ABCC4: variants seen among roughly 807,000 people sequenced by gnomAD.
ABCC4 encodes ATP-binding cassette sub-family C member 4.
ABCC4 carries 102 observed loss-of-function variants against 168.5 expected under a neutral mutation model. That is an observed-to-expected ratio of 0.61 (90% confidence interval 0.52 to 0.71). The LOEUF is 0.71. Ranked by LOEUF, ABCC4 falls within the 30% of genes least tolerant of loss-of-function variation. The probability of loss-of-function intolerance (pLI) is 0.00; values close to 1 mark genes in which losing one functional copy is unlikely to be tolerated. For missense variants in ABCC4, 1,402 were observed against 1,605.8 expected, an observed-to-expected ratio of 0.87 and a Z score of 2.17; for synonymous variants, 617 against 590.7, an observed-to-expected ratio of 1.04 and a Z score of -0.65.
intron 20 of ABCC4, among the ~76,000 whole-genome samples, chr13:95,090,348 C>G (rs2034390873): frequency 6.6e-6 from 1 of 152,176 alleles, no homozygotes; most frequent in South Asian, 2.1e-4. Flanking sequence ...AAGCTAAGAA[C>G]CGTCACAGGG....
intron 4 of ABCC4, among the ~76,000 whole-genome samples, chr13:95,221,279 C>T (rs1049915747): frequency 1.3e-5 from 2 of 152,094 alleles, no homozygotes; most frequent in African/African-American, 2.4e-5. Context: ...CCCAGGATGG[C>T]GTACAGTGGC....
chr13:95,291,631 A>G (rs4771912), intron 1 of ABCC4, among the ~76,000 whole-genome samples: 22,332 of 152,194 alleles, frequency 0.15, 1,767 homozygotes, highest in East Asian at 0.21. Context: ...TTGCATAGGG[A>G]TAGAAGAGCA....
intron 3 of ABCC4, 47 bp from the exon 4 acceptor site, chr13:95,234,881 C>G (rs770241044): frequency 7.7e-7 from 1 of 1,298,500 alleles, no homozygotes; most frequent in Non-Finnish European, 1.1e-6. Context: ...ACAGACCACA[C>G]CATTTTTTCT....
intron 19 of ABCC4, among the ~76,000 whole-genome samples, chr13:95,160,491 A>C (rs7993619): frequency 0.26 from 38,997 of 152,086 alleles, 6,423 homozygotes; most frequent in African/African-American, 0.48. Flanking sequence ...CACTTGGAAA[A>C]TACTGGGTAT....
intron 11 of ABCC4, among the ~76,000 whole-genome samples, chr13:95,183,328 G>C (rs750364878): frequency 3.3e-5 from 5 of 152,038 alleles, no homozygotes; most frequent in Non-Finnish European, 7.4e-5. Flanking sequence ...CTGTCCAGCA[G>C]GTTTTGATTA....
chr13:95,022,543 TC>T (rs2031152328), intron 30 of ABCC4, among the ~76,000 whole-genome samples: 1 of 152,186 alleles, frequency 6.6e-6, no homozygotes, highest in Non-Finnish European at 1.5e-5. Context: ...ACTTGTGAGC[TC>T]TTATCTCAAA....
At chr13:95,272,239 T>G (rs539905543) in intron 1 of ABCC4, among the ~76,000 whole-genome samples, 3 of 152,018 alleles carry the variant, frequency 2.0e-5, no homozygotes, top group African/African-American at 7.2e-5. Context: ...AGAGATAGCG[T>G]TTCACCACGT....
At chr13:95,058,510 A>G (rs540875492) in intron 26 of ABCC4, among the ~76,000 whole-genome samples, 5 of 133,150 alleles carry the variant, frequency 3.8e-5, no homozygotes, top group African/African-American at 1.4e-4. Context: ...CAGATATTGC[A>G]GTGAGCTGAG....
intron 19 of ABCC4, among the ~76,000 whole-genome samples, chr13:95,154,086 T>A (rs1488104165): frequency 6.6e-6 from 1 of 152,208 alleles, no homozygotes; most frequent in African/African-American, 2.4e-5. Flanking sequence ...AAAAACAATA[T>A]TTATGTGGCT....
At chr13:95,299,315 C>A (rs979201932) in intron 1 of ABCC4, among the ~76,000 whole-genome samples, 3 of 151,420 alleles carry the variant, frequency 2.0e-5, no homozygotes, top group Admixed American at 6.6e-5. Context: ...TTGAGGAGAC[C>A]ATTTGTCTAC....
intron 3 of ABCC4, among the ~76,000 whole-genome samples, chr13:95,243,940 G>C (rs2040014437): frequency 6.6e-6 from 1 of 151,604 alleles, no homozygotes; most frequent in Admixed American, 6.6e-5. Flanking sequence ...ATGTACCTTG[G>C]TGCTCTGACC....
intron 7 of ABCC4, 75 bp from the exon 8 acceptor site, chr13:95,206,856 A>C (rs1019652506): frequency 6.6e-7 from 1 of 1,511,156 alleles, no homozygotes; most frequent in South Asian, 1.2e-5. Context: ...CAATCTCAGC[A>C]CTTTGGGAGC....
intron 20 of ABCC4, among the ~76,000 whole-genome samples, chr13:95,110,969 G>GA (rs758996653): frequency 2.0e-3 from 78 of 38,298 alleles, no homozygotes; most frequent in South Asian, 7.3e-3. Context: ...CCCTGTTTCA[G>GA]AAAAAAAAAA....
At chr13:95,179,989 C>G (rs1394233304) in intron 11 of ABCC4, among the ~76,000 whole-genome samples, 1 of 152,126 alleles carries the variant, frequency 6.6e-6, no homozygotes, top group Non-Finnish European at 1.5e-5. Flanking sequence ...ATGACTATGA[C>G]ATATTTTCTG....
At chr13:95,242,058 T>G (rs572427686) in intron 3 of ABCC4, among the ~76,000 whole-genome samples, 16 of 152,152 alleles carry the variant, frequency 1.1e-4, no homozygotes, top group African/African-American at 3.4e-4. Context: ...CCGGCATAAG[T>G]GGGTTAAAAA....
chr13:95,068,054 TATA>T (rs2033606800), intron 25 of ABCC4, among the ~76,000 whole-genome samples: 1 of 152,194 alleles, frequency 6.6e-6, no homozygotes, highest in Non-Finnish European at 1.5e-5. Context: ...TCCTATTTGT[TATA>T]ATGTCCAGGA....
At chr13:95,077,221 T>C (rs1456128549) in intron 21 of ABCC4, among the ~76,000 whole-genome samples, 4 of 152,244 alleles carry the variant, frequency 2.6e-5, no homozygotes, top group Non-Finnish European at 5.9e-5. Context: ...CATTCTTTTC[T>C]GAGATAAATG....
intron 3 of ABCC4, among the ~76,000 whole-genome samples, chr13:95,243,133 TTA>T (rs1359968187): frequency 6.7e-6 from 1 of 149,822 alleles, no homozygotes; most frequent in Non-Finnish European, 1.5e-5. Flanking sequence ...AGGCTCCACT[TTA>T]TATGAGAGGT....
intron 19 of ABCC4, among the ~76,000 whole-genome samples, chr13:95,131,331 AG>A (rs34546736): frequency 6.6e-6 from 1 of 152,304 alleles, no homozygotes; most frequent in East Asian, 1.9e-4. Context: ...CCTTGTTTTC[AG>A]GGAAGAGTTG....
Sources: allele counts gnomAD v4.1 joint callset (sites outside exome capture counted in the v4.1 genomes callset), GRCh38; gene constraint gnomAD v4.1.1; transcripts MANE v1.5; gene names NCBI Gene and HGNC (gene_info 2026-07-23, HGNC 2026-07-21).